ZNF367: variants seen among roughly 807,000 people sequenced by gnomAD.
The protein encoded by ZNF367 is zinc finger protein 367.
Under a neutral mutation model 31.8 loss-of-function variants are expected in ZNF367, and 11 were observed. The ratio of observed to expected loss-of-function variants is 0.35; its 90% CI spans 0.22 to 0.57. The LOEUF (loss-of-function observed/expected upper bound fraction) is 0.57, where lower values mean the gene tolerates loss of function less well. Ranked by LOEUF, ZNF367 falls within the 20% of genes least tolerant of loss-of-function variation. ZNF367 has a pLI of 0.85. For missense variants in ZNF367, 353 were observed against 484.1 expected (o/e 0.73, Z 2.54); for synonymous variants, 199 against 202.4 (o/e 0.98, Z 0.14).
rs1296556640 is a variant in ZNF367 at position 96,417,328 on chromosome 9, T to TG, written c.420+284dup. On this transcript the variant is annotated intron_variant, in intron 1 of 4. Transcript: ENST00000375256. The surrounding 1 kb of genome is among the most constrained non-coding windows in gnomAD (Gnocchi z 5.0). ...AGGACTCGGCAGCCCGCCGGGAGGA[T>TG]GTCAGTGGCCGTTGACCCGGCCTCC... Among the ~76,000 whole-genome samples, 1 of 151,994 alleles carries TG rather than the reference T, an allele frequency of 6.6e-6. No homozygotes were observed. Among genetic ancestry groups the TG allele is most frequent in the Non-Finnish European group, 1.5e-5 (1 of 67,978 alleles).
intron 1 of ZNF367, among the ~76,000 whole-genome samples, chr9:96,416,415 G>A (rs1022543458): frequency 6.6e-6 from 1 of 152,122 alleles, no homozygotes; most frequent in Non-Finnish European, 1.5e-5. Context: ...TGTTTACTGA[G>A]GTGCAGTTTC....
intron 2 of ZNF367, among the ~76,000 whole-genome samples, chr9:96,395,859 T>TC (rs60288768): frequency 0.97 from 148,190 of 152,292 alleles, 72,120 homozygotes; most frequent in Middle Eastern, 1. Flanking sequence ...AAAAATTTGT[T>TC]AATGATAATT....
At chr9:96,398,454 G>T in intron 1 of ZNF367, 140 bp from the exon 2 acceptor site, 3 of 642,538 alleles carry the variant, frequency 4.7e-6, no homozygotes, top group Non-Finnish European at 4.9e-6. Context: ...TATTTAGGAG[G>T]CTGAGGTAGG....
At chr9:96,396,561 G>T (rs1196176472) in intron 2 of ZNF367, among the ~76,000 whole-genome samples, 1 of 152,076 alleles carries the variant, frequency 6.6e-6, no homozygotes, top group Non-Finnish European at 1.5e-5. Flanking sequence ...AAAAATAGGG[G>T]ACTGAGGGTT....
At chr9:96,400,924 C>G (rs1024635920) in intron 1 of ZNF367, among the ~76,000 whole-genome samples, 3 of 152,192 alleles carry the variant, frequency 2.0e-5, no homozygotes, top group African/African-American at 7.2e-5. Flanking sequence ...ATCTTGAAAG[C>G]AGCAAGAAAG....
chr9:96,392,059 C>A (rs1831478691), intron 4 of ZNF367, among the ~76,000 whole-genome samples: 1 of 152,150 alleles, frequency 6.6e-6, no homozygotes, highest in African/African-American at 2.4e-5. Context: ...TTAATTGGCA[C>A]GTAGCTAAGG....
intron 4 of ZNF367, 34 bp downstream of exon 4, chr9:96,392,364 A>G: frequency 6.2e-7 from 1 of 1,613,904 alleles, no homozygotes; most frequent in Non-Finnish European, 8.5e-7. Flanking sequence ...CGCGCTGTGC[A>G]TCTTCACGGT....
chr9:96,407,357 G>C lies in ZNF367; in HGVS notation c.421-9043C>G. The C allele has an allele frequency of 4.5e-6, 7 of 1,556,636 alleles. No individual in the cohort carries two copies. The Admixed American group carries it at 5.0e-5, about 11-fold the overall frequency. ...CGTTTGGATTACCATGAGAAAAAGAGAAAGAAGGAAAGTCGAGAGGCTCAT... is the reference window on the plus strand; with the variant it reads ...CGTTTGGATTACCATGAGAAAAAGACAAAGAAGGAAAGTCGAGAGGCTCAT... On this transcript the variant is annotated intron_variant, in intron 1 of 4. Transcript: ENST00000375256.
intron 2 of ZNF367, among the ~76,000 whole-genome samples, chr9:96,396,155 TG>T (rs1831528277): frequency 6.6e-6 from 1 of 152,186 alleles, no homozygotes; most frequent in African/African-American, 2.4e-5. Flanking sequence ...GGCTGATGCC[TG>T]GGGTATCAGG....
At chr9:96,406,869 G>C (rs912477775) in intron 1 of ZNF367, among the ~76,000 whole-genome samples, 3 of 151,722 alleles carry the variant, frequency 2.0e-5, no homozygotes, top group Non-Finnish European at 2.9e-5. Context: ...GGGCGCGGTG[G>C]GGGGCGCCTG....
Position 96,407,980 on chromosome 9 carries a change from A to AAAATAAATAAAT in ZNF367, c.420+9621_420+9632dup, listed in dbSNP as rs3045262. On this transcript the variant is annotated intron_variant, in intron 1 of 4. Transcript: ENST00000375256. ...TGTAAATAAAGTTTTAATGGAACACAAAATAAATAAATAAATAAATAAATA... is the reference window on the plus strand; with the variant it reads ...TGTAAATAAAGTTTTAATGGAACACAAAATAAATAAATAAATAAATAAATAAATAAATAAATA... Among the ~76,000 whole-genome samples the AAAATAAATAAAT allele has an allele frequency of 2.7e-3, 402 of 148,550 alleles. 3 individuals carry two copies. Among genetic ancestry groups the AAAATAAATAAAT allele is most frequent in the South Asian group, 6.2e-3 (29 of 4,646 alleles).
At chr9:96,389,255 G>C (rs114971981) in intron 4 of ZNF367, among the ~76,000 whole-genome samples, 5 of 151,294 alleles carry the variant, frequency 3.3e-5, no homozygotes, top group Admixed American at 1.3e-4. Flanking sequence ...AGCTGAAGTC[G>C]GGCCGCTGCA....
chr9:96,390,657 G>A (rs1005663395), intron 4 of ZNF367, among the ~76,000 whole-genome samples: 17 of 152,016 alleles, frequency 1.1e-4, no homozygotes, highest in East Asian at 3.9e-4. Context: ...GCCAAGGTGC[G>A]AGAATCACTT....
At chr9:96,399,968 A>G (rs994835343) in intron 1 of ZNF367, among the ~76,000 whole-genome samples, 5 of 152,242 alleles carry the variant, frequency 3.3e-5, no homozygotes, top group Admixed American at 6.5e-5. Context: ...ACAAAAACTC[A>G]GAAGGAAGGG....
intron 1 of ZNF367, among the ~76,000 whole-genome samples, chr9:96,413,781 C>A (rs934953637): frequency 6.6e-6 from 1 of 152,092 alleles, no homozygotes; most frequent in Non-Finnish European, 1.5e-5. Context: ...CAGTGTTGGG[C>A]AGGAACAATC....
chr9:96,412,609 TATTGA>T (rs1831764380), intron 1 of ZNF367, among the ~76,000 whole-genome samples: 2 of 152,176 alleles, frequency 1.3e-5, no homozygotes, highest in Admixed American at 1.3e-4. Context: ...AATTCCAGTT[TATTGA>T]ATTGAGTGCA....
At chr9:96,403,612 TTAC>T (rs1191501355) in intron 1 of ZNF367, among the ~76,000 whole-genome samples, 2 of 152,118 alleles carry the variant, frequency 1.3e-5, no homozygotes, top group Non-Finnish European at 2.9e-5. Flanking sequence ...ATTTCAAAAC[TTAC>T]TACTAAGCAC....
chr9:96,396,880 T>C (rs1191780994), intron 2 of ZNF367, among the ~76,000 whole-genome samples: 1 of 152,128 alleles, frequency 6.6e-6, no homozygotes, highest in African/African-American at 2.4e-5. Flanking sequence ...TTGGCCAGGC[T>C]GGTCTTGAAC....
At chr9:96,398,412 T>C (rs1302357739) in intron 1 of ZNF367, 98 bp from the exon 2 acceptor site, 2 of 1,153,158 alleles carry the variant, frequency 1.7e-6, no homozygotes, top group Non-Finnish European at 2.4e-6. Flanking sequence ...TCTTGGGAGC[T>C]GGGCGCAGCG....
Sources: allele counts gnomAD v4.1 joint callset (sites outside exome capture counted in the v4.1 genomes callset), GRCh38; gene constraint gnomAD v4.1.1; non-coding constraint Gnocchi (gnomAD v3.1); transcripts MANE v1.5; gene names NCBI Gene and HGNC (gene_info 2026-07-23, HGNC 2026-07-21).